ANGPT1: variants seen among roughly 807,000 people sequenced by gnomAD.
ANGPT1 encodes angiopoietin 1.
A neutral mutation model predicts 62.2 loss-of-function variants in ANGPT1; 17 were observed. That is an observed-to-expected ratio of 0.27 (90% confidence interval 0.19 to 0.41). The LOEUF is 0.41. Among genes scored for constraint, ANGPT1 ranks in the 10% least tolerant of loss-of-function variants. The pLI, the probability that ANGPT1 is intolerant of heterozygous loss-of-function variation, is 1.00. For missense variants in ANGPT1, 478 were observed against 594.9 expected (o/e 0.80, Z 2.04); for synonymous variants, 199 against 198.9 (o/e 1.00, Z 0.00).
chr8:107,264,267 A>G lies in ANGPT1; in HGVS notation c.1290T>C (p.Ala430=). ...ATTTGCACATACAGTTGTCATTATC[A>G]GCATCTTTAGTGCTGAAATCAGCAC... ...LHGADFSTKD[A]DNDNCMCKCA... The change falls in exon 8 of 9, where the codon GCT becomes GCC. Residue 430 remains alanine, a synonymous_variant. Coordinates refer to ENST00000517746, the MANE Select transcript of ANGPT1 (RefSeq NM_001146.5). The G allele has an allele frequency of 6.2e-7, 1 of 1,614,064 alleles. No homozygotes were observed. The highest frequency in any genetic ancestry group is 1.3e-5 in the African/African-American group (1 of 75,052).
At chr8:107,480,876 C>G (rs1476763403) in intron 1 of ANGPT1, among the ~76,000 whole-genome samples, 1 of 152,128 alleles carries the variant, frequency 6.6e-6, no homozygotes, top group Non-Finnish European at 1.5e-5. Flanking sequence ...AAAGCACAAT[C>G]AAAGCAATGG....
intron 6 of ANGPT1, among the ~76,000 whole-genome samples, chr8:107,289,946 T>C (rs575225036): frequency 1.4e-3 from 209 of 152,220 alleles, no homozygotes; most frequent in African/African-American, 4.8e-3. Flanking sequence ...CCTTATGACT[T>C]GAAGGAGCTA....
chr8:107,339,517 C>T (rs1563576468), intron 2 of ANGPT1, among the ~76,000 whole-genome samples: 1 of 152,282 alleles, frequency 6.6e-6, no homozygotes, highest in East Asian at 1.9e-4. Flanking sequence ...TAGAGAGTCC[C>T]TTTCTGGCCA....
chr8:107,296,238 A>G (rs1055467111), intron 5 of ANGPT1, among the ~76,000 whole-genome samples: 7 of 152,128 alleles, frequency 4.6e-5, no homozygotes, highest in African/African-American at 1.7e-4. Flanking sequence ...TGAGAAGGAC[A>G]GAATACATCA....
chr8:107,321,626 T>C (rs13252714), intron 4 of ANGPT1, among the ~76,000 whole-genome samples: 19,191 of 152,146 alleles, frequency 0.13, 1,507 homozygotes, highest in East Asian at 0.34. Context: ...GTATCACAGA[T>C]TTTATCTAAG....
At chr8:107,400,134 G>T (rs565659906) in intron 1 of ANGPT1, among the ~76,000 whole-genome samples, 1 of 152,206 alleles carries the variant, frequency 6.6e-6, no homozygotes, top group South Asian at 2.1e-4. Context: ...TCCATTTGTG[G>T]GAAGTCATGT....
intron 4 of ANGPT1, among the ~76,000 whole-genome samples, chr8:107,305,987 GT>G (rs548804666): frequency 9.9e-5 from 15 of 151,660 alleles, no homozygotes; most frequent in Admixed American, 6.6e-5. Flanking sequence ...GACCTTTAGA[GT>G]TTTTTTTGTC....
rs1438779620 is a variant in ANGPT1 at position 107,250,920 on chromosome 8, T to C, written c.*935A>G. ...CAGAGTACTTGCTTTTACTTCAACT[T>C]AACATACTCCAAAATATTGCTTTCC... is the stretch of plus-strand genomic sequence containing the variant. On this transcript the variant is annotated 3_prime_UTR_variant, in exon 9 of 9. Transcript: ENST00000517746. 1 of 152,102 alleles carries C rather than the reference T, an allele frequency of 6.6e-6. No homozygotes were observed. The allele number at this position is 152,102 out of a possible 1,614,324, so 9.4% of individuals were successfully genotyped here.
intron 4 of ANGPT1, among the ~76,000 whole-genome samples, chr8:107,321,060 C>T (rs1815138777): frequency 6.6e-6 from 1 of 152,034 alleles, no homozygotes; most frequent in African/African-American, 2.4e-5. Context: ...TAGAGAAATA[C>T]AGAAGATGAC....
intron 1 of ANGPT1, among the ~76,000 whole-genome samples, chr8:107,475,927 A>G (rs1048795265): frequency 6.6e-6 from 1 of 152,256 alleles, no homozygotes; most frequent in African/African-American, 2.4e-5. Flanking sequence ...TTAAAAAGTC[A>G]GTAAACAACA....
chr8:107,414,169 G>A (rs543106677), intron 1 of ANGPT1, among the ~76,000 whole-genome samples: 4 of 152,140 alleles, frequency 2.6e-5, no homozygotes, highest in Non-Finnish European at 5.9e-5. Flanking sequence ...CTCAAGGATA[G>A]CAGTTCTTTG....
chr8:107,357,450 A>C (rs1315064164), intron 1 of ANGPT1, among the ~76,000 whole-genome samples: 1 of 152,168 alleles, frequency 6.6e-6, no homozygotes, highest in Non-Finnish European at 1.5e-5. Context: ...AACCCCCTGC[A>C]TGCTACACAA....
intron 1 of ANGPT1, among the ~76,000 whole-genome samples, chr8:107,458,642 T>G (rs973889875): frequency 6.6e-6 from 1 of 152,182 alleles, no homozygotes; most frequent in Non-Finnish European, 1.5e-5. Flanking sequence ...AATGTTATAC[T>G]ATGTTTGATG....
chr8:107,445,635 C>T lies in ANGPT1; in HGVS notation c.297+51627G>A, dbSNP rs144753007. On this transcript the variant is annotated intron_variant, in intron 1 of 8. Transcript: ENST00000517746. ...CCAAGAACTTCCAATTAACTTTTAT[C>T]GGGCATCTAGCCAAGAGTCCTGCTG... Among the ~76,000 whole-genome samples, 831 of 152,172 alleles carry T rather than the reference C, an allele frequency of 5.5e-3. 6 individuals are homozygous for T. The highest frequency in any genetic ancestry group is 0.019 in the African/African-American group (783 of 41,530).
At chr8:107,298,181 T>C (rs906810094) in intron 5 of ANGPT1, among the ~76,000 whole-genome samples, 2 of 151,904 alleles carry the variant, frequency 1.3e-5, no homozygotes, top group African/African-American at 2.4e-5. Flanking sequence ...ACGGGGAAAT[T>C]TGATTCACAT....
intron 1 of ANGPT1, among the ~76,000 whole-genome samples, chr8:107,395,028 C>A (rs1466701911): frequency 6.6e-6 from 1 of 151,838 alleles, no homozygotes; most frequent in Non-Finnish European, 1.5e-5. Context: ...ATAATAAATG[C>A]CATAAGGTAA....
intron 6 of ANGPT1, among the ~76,000 whole-genome samples, chr8:107,286,550 A>AT (rs995262217): frequency 5.9e-5 from 9 of 151,310 alleles, no homozygotes; most frequent in African/African-American, 1.2e-4. Flanking sequence ...CCCTCGTTTT[A>AT]TTTTTTTTTA....
chr8:107,371,312 G>A lies in ANGPT1; in HGVS notation c.298-24215C>T, dbSNP rs1586265513. Among the ~76,000 whole-genome samples, 4 of 152,182 alleles carry A rather than the reference G, an allele frequency of 2.6e-5. No individual in the cohort carries two copies. In the South Asian group the frequency reaches 8.3e-4, roughly 31 times the overall value. ...AAATCATTGAGACTACTAATCCCAA[G>A]CAGCCAATAAAATAATTTGTCAGTC... On this transcript the variant is annotated intron_variant, in intron 1 of 8. Transcript: ENST00000517746.
chr8:107,471,776 A>G (rs569098710), intron 1 of ANGPT1, among the ~76,000 whole-genome samples: 3 of 152,204 alleles, frequency 2.0e-5, no homozygotes, highest in South Asian at 2.1e-4. Flanking sequence ...TCATGTTACA[A>G]TAGAATTATC....
Sources: gnomAD v4.1 joint callset for allele counts (sites outside exome capture counted in the v4.1 genomes callset) on GRCh38, gnomAD v4.1.1 for gene constraint, MANE v1.5 for transcripts, NCBI Gene and HGNC (gene_info 2026-07-23, HGNC 2026-07-21) for gene names.